TCF4: variants seen among roughly 807,000 people sequenced by gnomAD.
TCF4 encodes SL3-3 enhancer factor 2.
In TCF4, 3 loss-of-function variants were observed where a neutral mutation model predicts 82.1. The observed-to-expected ratio is 0.04, with a 90% CI of 0.02 to 0.09. The LOEUF is 0.09. Ranked by LOEUF, TCF4 falls within the 10% of genes least tolerant of loss-of-function variation. The probability of loss-of-function intolerance (pLI) is 1.00; values close to 1 mark genes in which losing one functional copy is unlikely to be tolerated. For missense variants in TCF4, 518 were observed against 852.7 expected, an observed-to-expected ratio of 0.61 and a Z score of 4.89; for synonymous variants, 276 against 309.6, an observed-to-expected ratio of 0.89 and a Z score of 1.14.
intron 3 of TCF4, among the ~76,000 whole-genome samples, chr18:55,522,560 G>A (rs1453695029): frequency 6.6e-6 from 1 of 152,012 alleles, no homozygotes; most frequent in Non-Finnish European, 1.5e-5. Context: ...AGGAAATATT[G>A]TAAGAAAACT....
chr18:55,507,315 TAACA>T, intron 3 of TCF4, among the ~76,000 whole-genome samples: 1 of 152,206 alleles, frequency 6.6e-6, no homozygotes, highest in Non-Finnish European at 1.5e-5. Flanking sequence ...ACTGCCATAG[TAACA>T]GTCAATCTGA....
upstream of TCF4, chr18:55,588,748 G>C: frequency 8.0e-7 from 1 of 1,249,390 alleles, no homozygotes; most frequent in Non-Finnish European, 1.0e-6. Flanking sequence ...GGAGATTTTC[G>C]TTTCGGTAGT....
intron 2 of TCF4, among the ~76,000 whole-genome samples, chr18:55,625,833 T>C (rs1445515302): frequency 6.6e-6 from 1 of 152,212 alleles, no homozygotes; most frequent in East Asian, 1.9e-4. Context: ...CTTTGATATA[T>C]CCATCCAAAT....
In TCF4 at chr18:55,372,420, G is replaced by A. The variant is rs575324488; in HGVS notation, c.370-21417C>T. 4.6e-5 allele frequency among the ~76,000 whole-genome samples: 7 copies of A among 151,848 alleles called. No homozygotes were observed. In the South Asian group the frequency reaches 8.3e-4, roughly 18 times the overall value. ...TGGAGTGGAGTGTGATGCAATAATC[G>A]GGTGATTAATTGGGGTGCTACATTT... is the stretch of plus-strand genomic sequence containing the variant. On this transcript the variant is annotated intron_variant, in intron 6 of 19. Transcript: ENST00000354452.
intron 9 of TCF4, among the ~76,000 whole-genome samples, chr18:55,276,813 A>C (rs1246217470): frequency 6.6e-6 from 1 of 152,204 alleles, no homozygotes; most frequent in Non-Finnish European, 1.5e-5. Context: ...GCCTATTAAA[A>C]AGTTAGGCAA....
At chr18:55,239,033 T>C (rs1436665650) in intron 15 of TCF4, among the ~76,000 whole-genome samples, 1 of 152,196 alleles carries the variant, frequency 6.6e-6, no homozygotes, top group Non-Finnish European at 1.5e-5. Flanking sequence ...GACTGGTACA[T>C]GTAGGTGTAA....
At chr18:55,274,619 A>G (rs2061096830) in intron 10 of TCF4, among the ~76,000 whole-genome samples, 1 of 151,546 alleles carries the variant, frequency 6.6e-6, no homozygotes, top group African/African-American at 2.4e-5. Context: ...TAGATATGAG[A>G]AGAAGAAAAA....
intron 3 of TCF4, among the ~76,000 whole-genome samples, chr18:55,501,488 C>CTAGT (rs1381461313): frequency 1.3e-5 from 2 of 152,118 alleles, no homozygotes; most frequent in Non-Finnish European, 2.9e-5. Flanking sequence ...AGATGAAACT[C>CTAGT]TAGTGGCAAA....
At position 55,623,423 on chromosome 18, in the gene TCF4, G is replaced by T. The variant is rs2097723491; in HGVS notation, c.286+7875C>A. On this transcript the variant is annotated intron_variant, in intron 2 of 20. Coordinates refer to the TCF4 transcript ENST00000398339. ...GAAAATGTATCTAGAATTAGATTTT[G>T]GCTTTAGGATATGTTTGTAAATAAG... is the stretch of plus-strand genomic sequence containing the variant. Among the ~76,000 whole-genome samples the T allele has an allele frequency of 2.0e-5, 3 of 152,046 alleles. No homozygotes were observed. In the South Asian group the frequency reaches 6.2e-4, roughly 32 times the overall value.
intron 15 of TCF4, among the ~76,000 whole-genome samples, chr18:55,247,726 CT>C (rs1446913359): frequency 2.0e-5 from 3 of 152,116 alleles, no homozygotes; most frequent in Non-Finnish European, 4.4e-5. Flanking sequence ...GGAGTCCAAA[CT>C]TTTTTTCAGG....
At chr18:55,401,021 C>A in intron 6 of TCF4, 1 of 1,289,106 alleles carries the variant, frequency 7.8e-7, no homozygotes, top group Non-Finnish European at 1.0e-6. Context: ...AGTGGGGAAT[C>A]ATTTCAGCTG....
chr18:55,271,241 C>CT (rs2060298765), intron 10 of TCF4, among the ~76,000 whole-genome samples: 1 of 152,062 alleles, frequency 6.6e-6, no homozygotes, highest in African/African-American at 2.4e-5. Flanking sequence ...GCACTATTGT[C>CT]TTTAACACTT....
chr18:55,353,244 T>C (rs150695360), intron 6 of TCF4, among the ~76,000 whole-genome samples: 3,456 of 152,288 alleles, frequency 0.023, 65 homozygotes, highest in Non-Finnish European at 0.035. Flanking sequence ...AAATATAAAA[T>C]AACTACAAAA....
intron 3 of TCF4, among the ~76,000 whole-genome samples, chr18:55,557,789 A>G (rs2097317250): frequency 6.6e-6 from 1 of 152,184 alleles, no homozygotes; most frequent in East Asian, 1.9e-4. Flanking sequence ...AAATGCAGAT[A>G]CAACAAAATA....
intron 8 of TCF4, chr18:55,302,776 C>A (rs1306904911): frequency 1.7e-6 from 1 of 573,520 alleles, no homozygotes; most frequent in Non-Finnish European, 2.9e-6. Context: ...GATAAAGCTG[C>A]ATCTGGAGCC....
intron 3 of TCF4, among the ~76,000 whole-genome samples, chr18:55,567,712 CAA>C (rs960791678): frequency 5.4e-5 from 7 of 130,828 alleles, no homozygotes; most frequent in Admixed American, 7.8e-5. Context: ...GACTCCATCT[CAA>C]AAAAAAAAAA....
intron 3 of TCF4, among the ~76,000 whole-genome samples, chr18:55,468,442 G>A (rs574387195): frequency 6.6e-6 from 1 of 152,324 alleles, no homozygotes; most frequent in East Asian, 1.9e-4. Context: ...TCCCAACACA[G>A]AGGACAGAAT....
intron 3 of TCF4, among the ~76,000 whole-genome samples, chr18:55,486,783 T>C: frequency 6.6e-6 from 1 of 152,168 alleles, no homozygotes; most frequent in Admixed American, 6.5e-5. Flanking sequence ...AGAGTGAGTC[T>C]AACAAAGTCA....
intron 8 of TCF4, among the ~76,000 whole-genome samples, chr18:55,307,562 T>A (rs1312103231): frequency 2.0e-5 from 3 of 152,236 alleles, no homozygotes; most frequent in Admixed American, 6.5e-5. Context: ...ATAACATTTT[T>A]AAATCATTCT....
Sources: gnomAD v4.1 joint callset for allele counts (sites outside exome capture counted in the v4.1 genomes callset) on GRCh38, gnomAD v4.1.1 for gene constraint, MANE v1.5 for transcripts, NCBI Gene and HGNC (gene_info 2026-07-23, HGNC 2026-07-21) for gene names.